MLLT10: variants seen among roughly 807,000 people sequenced by gnomAD.
MLLT10 encodes protein AF-10.
A neutral mutation model predicts 129.1 loss-of-function variants in MLLT10; 30 were observed. The observed-to-expected ratio is 0.23, with a 90% CI of 0.17 to 0.32. The LOEUF is 0.32. MLLT10 is among the 10% of genes least tolerant of loss of function. MLLT10 has a pLI of 1.00. For synonymous variants in MLLT10, 490 were observed against 446.4 expected (o/e 1.10, Z -1.23); for missense variants, 1,119 against 1,268.3 (o/e 0.88, Z 1.79).
chr10:21,595,590 A>G (rs1248810901), intron 5 of MLLT10, 150 bp downstream of exon 5: 3 of 575,878 alleles, frequency 5.2e-6, no homozygotes, highest in Non-Finnish European at 9.1e-6. Flanking sequence ...TTAAAATGTT[A>G]TTAATATGTT....
chr10:21,612,061 C>T (rs777796324), intron 5 of MLLT10, among the ~76,000 whole-genome samples: 4 of 152,084 alleles, frequency 2.6e-5, no homozygotes, highest in Admixed American at 1.3e-4. Context: ...TGTCCTGGCC[C>T]GCCAGCCTCA....
intron 19 of MLLT10, 52 bp from the exon 20 acceptor site, chr10:21,733,716 A>G: frequency 6.5e-7 from 1 of 1,546,368 alleles, no homozygotes; most frequent in East Asian, 2.3e-5. Context: ...CTTCTTTCTT[A>G]CGCTGGGACT....
chr10:21,599,804 G>A (rs2043350374), intron 5 of MLLT10, among the ~76,000 whole-genome samples: 1 of 152,154 alleles, frequency 6.6e-6, no homozygotes, highest in South Asian at 2.1e-4. Context: ...CTGAGCTCAA[G>A]TGATCTGCCT....
At chr10:21,579,683 C>T (rs1589051307) in intron 3 of MLLT10, among the ~76,000 whole-genome samples, 1 of 151,894 alleles carries the variant, frequency 6.6e-6, no homozygotes, top group South Asian at 2.1e-4. Context: ...CTGCCTCAGC[C>T]TCCTGAGTAG....
intron 21 of MLLT10, among the ~76,000 whole-genome samples, chr10:21,739,130 A>G (rs1204693228): frequency 1.3e-5 from 2 of 152,190 alleles, no homozygotes; most frequent in African/African-American, 4.8e-5. Context: ...CCATCCTGAA[A>G]TCAGACTGTG....
At chr10:21,737,234 T>G (rs1468206424) in intron 21 of MLLT10, among the ~76,000 whole-genome samples, 1 of 129,530 alleles carries the variant, frequency 7.7e-6, no homozygotes, top group African/African-American at 3.0e-5. Flanking sequence ...TTTTACAGTT[T>G]GGGTGTGATG....
At chr10:21,672,641 C>G (rs1165589128) in intron 10 of MLLT10, among the ~76,000 whole-genome samples, 1 of 152,058 alleles carries the variant, frequency 6.6e-6, no homozygotes, top group African/African-American at 2.4e-5. Context: ...TGGTGGGGTA[C>G]TCATGTTCTT....
At chr10:21,629,325 G>GT (rs888416669) in intron 8 of MLLT10, among the ~76,000 whole-genome samples, 6 of 151,572 alleles carry the variant, frequency 4.0e-5, no homozygotes, top group Non-Finnish European at 8.8e-5. Flanking sequence ...TGTTTTTAAG[G>GT]TTTTTTTGAG....
chr10:21,603,832 T>G (rs1477210746), intron 5 of MLLT10, among the ~76,000 whole-genome samples: 3 of 151,914 alleles, frequency 2.0e-5, no homozygotes, highest in African/African-American at 4.8e-5. Context: ...TTTTTGTTTT[T>G]TTTTTTTTAA....
In MLLT10 at chr10:21,622,278, C is replaced by T. The variant is rs575328497; in HGVS notation, c.699+5071C>T. Among the ~76,000 whole-genome samples the T allele has an allele frequency of 6.0e-5, 9 of 150,908 alleles. No individual in the cohort carries two copies. The South Asian group carries it at 1.9e-3, about 32-fold the overall frequency. ...GCTCAAGGGATCCTCCTCCCTCAGCCTCCTGAGTAGCTGGGACTACCAGCG... is the reference window on the plus strand; with the variant it reads ...GCTCAAGGGATCCTCCTCCCTCAGCTTCCTGAGTAGCTGGGACTACCAGCG... On this transcript the variant is annotated intron_variant, in intron 8 of 22. Transcript: ENST00000307729.
chr10:21,574,331 G>C (rs987570659), intron 3 of MLLT10, among the ~76,000 whole-genome samples: 1 of 151,832 alleles, frequency 6.6e-6, no homozygotes, highest in African/African-American at 2.4e-5. Context: ...TCTTGATATT[G>C]GTAATTTGTA....
chr10:21,657,221 G>T (rs1256881076), intron 9 of MLLT10, among the ~76,000 whole-genome samples: 1 of 151,836 alleles, frequency 6.6e-6, no homozygotes, highest in Admixed American at 6.6e-5. Context: ...GTGAAACCCT[G>T]TCTCTACTAA....
At chr10:21,632,590 C>G (rs780330774) in intron 8 of MLLT10, among the ~76,000 whole-genome samples, 1 of 152,150 alleles carries the variant, frequency 6.6e-6, no homozygotes, top group Non-Finnish European at 1.5e-5. Flanking sequence ...CTTGGGAAAA[C>G]AGAATTTAAA....
At position 21,742,597 on chromosome 10, in the gene MLLT10, C is replaced by G; in HGVS notation, c.*614C>G. On this transcript the variant is annotated 3_prime_UTR_variant, in exon 23 of 23. Coordinates refer to ENST00000307729, the MANE Select transcript of MLLT10 (RefSeq NM_001195626.3). ...GAAGTTAGGATGGTAATGTCTGCAT[C>G]TGCTAAAGGTAATTTTCTTTTGAGA... The G allele has an allele frequency of 4.5e-6, 1 of 220,284 alleles. No individual in the cohort carries two copies. Among genetic ancestry groups the G allele is most frequent in the East Asian group, 6.7e-5 (1 of 14,876 alleles). The allele number at this position is 220,284 out of a possible 1,614,324, so 13.6% of individuals were successfully genotyped here. A position where few individuals can be genotyped will look rare whatever the true frequency, so the allele number is the denominator to read the frequency against.
intron 3 of MLLT10, among the ~76,000 whole-genome samples, chr10:21,551,196 A>G (rs1055044500): frequency 1.4e-5 from 2 of 144,174 alleles, no homozygotes; most frequent in African/African-American, 5.0e-5. Flanking sequence ...AAGTGCTGGG[A>G]TTATAGGCGT....
rs768378294 is a variant in MLLT10, at chr10:21,569,425, A to AT, written c.241-16854dup. Among the ~76,000 whole-genome samples, 698 of 138,390 alleles carry AT rather than the reference A, an allele frequency of 5.0e-3. 8 individuals carry two copies. Among genetic ancestry groups the AT allele is most frequent in the East Asian group, 0.033 (158 of 4,794 alleles). 90.8% of individuals were successfully genotyped at this position (138,390 alleles called of 152,430 possible). A position where few individuals can be genotyped will look rare whatever the true frequency, so the allele number is the denominator to read the frequency against. On this transcript the variant is annotated intron_variant, in intron 3 of 22. Coordinates refer to ENST00000307729, the MANE Select transcript of MLLT10 (RefSeq NM_001195626.3). ...GGCAATATGCTACCATACCCAGCCA[A>AT]TTTTTTTTTTTTTTTGTAATGGAAT...
chr10:21,709,792 G>A (rs952831625), intron 13 of MLLT10, among the ~76,000 whole-genome samples: 1 of 151,714 alleles, frequency 6.6e-6, no homozygotes, highest in African/African-American at 2.4e-5. Flanking sequence ...ACTGAGGCTG[G>A]AGTGCAGTGG....
At chr10:21,553,875 C>T (rs963155612) in intron 3 of MLLT10, among the ~76,000 whole-genome samples, 2 of 152,276 alleles carry the variant, frequency 1.3e-5, no homozygotes, top group African/African-American at 4.8e-5. Context: ...GTTTCGAACT[C>T]CTGAACACAG....
At chr10:21,694,383 A>G (rs1250813546) in intron 13 of MLLT10, among the ~76,000 whole-genome samples, 5 of 152,232 alleles carry the variant, frequency 3.3e-5, no homozygotes, top group Non-Finnish European at 1.5e-5. Context: ...TATAGAAATT[A>G]TCTTTGCAGT....
Sources: allele counts gnomAD v4.1 joint callset (sites outside exome capture counted in the v4.1 genomes callset), GRCh38; gene constraint gnomAD v4.1.1; transcripts MANE v1.5; gene names NCBI Gene and HGNC (gene_info 2026-07-23, HGNC 2026-07-21).